Variants in LOC128092252 observed in about 807,000 individuals in gnomAD.
chr15:50,651,929 A>G, the LOC128092252 span, among the ~76,000 whole-genome samples: 467 of 152,122 alleles, frequency 3.1e-3, 2 homozygotes, highest in Middle Eastern at 0.017. Flanking sequence ...ATAATTTTCT[A>G]AATAAAGGTT....
the LOC128092252 span, among the ~76,000 whole-genome samples, chr15:50,652,850 G>A: frequency 6.6e-6 from 1 of 152,008 alleles, no homozygotes; most frequent in Non-Finnish European, 1.5e-5. Flanking sequence ...AGAAAAAAAG[G>A]CAAAGCATTA....
At chr15:50,661,265 G>A in the LOC128092252 span, among the ~76,000 whole-genome samples, 11 of 152,168 alleles carry the variant, frequency 7.2e-5, no homozygotes, top group East Asian at 1.9e-4. Flanking sequence ...GTCAGCCACC[G>A]CACCAGGCCT....
At chr15:50,649,300 G>C in the LOC128092252 span, among the ~76,000 whole-genome samples, 1 of 152,038 alleles carries the variant, frequency 6.6e-6, no homozygotes, top group Non-Finnish European at 1.5e-5. Flanking sequence ...TTAGGCAAGT[G>C]TGGTGGCATA....
At chr15:50,679,313 C>T in the LOC128092252 span, among the ~76,000 whole-genome samples, 1 of 144,300 alleles carries the variant, frequency 6.9e-6, no homozygotes, top group Non-Finnish European at 1.5e-5. Context: ...CTGACATGGG[C>T]AACAGAGCAA....
the LOC128092252 span, among the ~76,000 whole-genome samples, chr15:50,662,311 A>G: frequency 6.6e-6 from 1 of 150,654 alleles, no homozygotes; most frequent in Non-Finnish European, 1.5e-5. Context: ...TGGACGACAG[A>G]GCAAGACTCT....
the LOC128092252 span, among the ~76,000 whole-genome samples, chr15:50,675,196 A>G: frequency 2.0e-5 from 3 of 152,292 alleles, no homozygotes; most frequent in African/African-American, 7.2e-5. Context: ...TATAAAAATT[A>G]GCTGGGCATG....
chr15:50,651,422 G>C, the LOC128092252 span, among the ~76,000 whole-genome samples: 3 of 152,000 alleles, frequency 2.0e-5, no homozygotes, highest in Non-Finnish European at 2.9e-5. Context: ...GAGGCGGGTG[G>C]ATCACGAGGT....
the LOC128092252 span, among the ~76,000 whole-genome samples, chr15:50,672,701 C>T: frequency 6.6e-6 from 1 of 151,668 alleles, no homozygotes; most frequent in African/African-American, 2.4e-5. Flanking sequence ...TCTGAGGTCA[C>T]GAGTTCGAGA....
At chr15:50,678,632 T>C in the LOC128092252 span, among the ~76,000 whole-genome samples, 1 of 151,458 alleles carries the variant, frequency 6.6e-6, no homozygotes, top group South Asian at 2.1e-4. Flanking sequence ...TAATTAATAA[T>C]TAGATATTAC....
At chr15:50,680,857 T>C in the LOC128092252 span, among the ~76,000 whole-genome samples, 2 of 152,250 alleles carry the variant, frequency 1.3e-5, no homozygotes, top group Non-Finnish European at 2.9e-5. Flanking sequence ...CTACCACTTA[T>C]TAGCCTTGTG....
the LOC128092252 span, chr15:50,649,024 T>G: frequency 1.8e-6 from 1 of 543,120 alleles, no homozygotes; most frequent in East Asian, 3.2e-5. Flanking sequence ...AGCTTTTTGA[T>G]TTTAGGATAT....
At chr15:50,684,423 T>C in the LOC128092252 span, among the ~76,000 whole-genome samples, 1 of 152,052 alleles carries the variant, frequency 6.6e-6, no homozygotes, top group African/African-American at 2.4e-5. Context: ...GCCAGATCAC[T>C]GGACATCAGG....
chr15:50,679,529 T>TATATATTATATATATGTGTATATATATA, the LOC128092252 span, among the ~76,000 whole-genome samples: 1 of 51,756 alleles, frequency 1.9e-5, no homozygotes, highest in African/African-American at 7.9e-5. Flanking sequence ...TATATATATA[T>TATATATTATATATATGTGTATATATATA]ATATATATAT....
chr15:50,657,684 ATG>A, the LOC128092252 span: 5 of 1,075,880 alleles, frequency 4.6e-6, no homozygotes, highest in East Asian at 1.3e-4. Flanking sequence ...ATATAATAGC[ATG>A]TGAGTTTCAT....
the LOC128092252 span, among the ~76,000 whole-genome samples, chr15:50,655,195 G>T: frequency 2.6e-5 from 4 of 151,298 alleles, no homozygotes; most frequent in African/African-American, 4.8e-5. Flanking sequence ...CAGCACTTTG[G>T]GTGGCCAAGG....
chr15:50,675,116 G>A, the LOC128092252 span, among the ~76,000 whole-genome samples: 1 of 152,170 alleles, frequency 6.6e-6, no homozygotes, highest in African/African-American at 2.4e-5. Context: ...GCCGAGGCAG[G>A]TGGATCACCT....
chr15:50,653,443 T>C, the LOC128092252 span, among the ~76,000 whole-genome samples: 2 of 152,248 alleles, frequency 1.3e-5, no homozygotes, highest in Non-Finnish European at 2.9e-5. Flanking sequence ...TGATTCATTC[T>C]AGCTAATCAT....
chr15:50,663,147 A>C, the LOC128092252 span: 1 of 884,930 alleles, frequency 1.1e-6, no homozygotes, highest in Middle Eastern at 2.9e-4. Flanking sequence ...TTTTTTTTTG[A>C]GACAGAGTTT....
the LOC128092252 span, among the ~76,000 whole-genome samples, chr15:50,678,154 T>A: frequency 6.1e-5 from 9 of 147,104 alleles, no homozygotes; most frequent in South Asian, 1.3e-3. Flanking sequence ...GGCAGGAGGA[T>A]GGCGTGAACC....
Sources: allele counts gnomAD v4.1 joint callset (sites outside exome capture counted in the v4.1 genomes callset), GRCh38; gene constraint gnomAD v4.1.1; transcripts MANE v1.5.